Variants in ZC3H4 observed in about 807,000 individuals in gnomAD.
ZC3H4 encodes the protein zinc finger CCCH-type containing 4.
A neutral mutation model predicts 108.3 loss-of-function variants in ZC3H4; 13 were observed. That is an observed-to-expected ratio of 0.12 (90% CI 0.08 to 0.19). The LOEUF is 0.19. Ranked by LOEUF, ZC3H4 falls within the 10% of genes least tolerant of loss-of-function variation. The pLI is 1.00. For missense variants in ZC3H4, 1,734 were observed against 1,838.8 expected, an observed-to-expected ratio of 0.94 and a Z score of 1.04; for synonymous variants, 917 against 749.6, an observed-to-expected ratio of 1.22 and a Z score of -3.65.
At chr19:47,071,718 A>G (rs1023552604) in intron 13 of ZC3H4, 60 bp downstream of exon 13, 16 of 1,511,078 alleles carry the variant, frequency 1.1e-5, no homozygotes, top group Admixed American at 2.2e-5. Flanking sequence ...CATCTCCCCA[A>G]CTCTGCTCCA....
intron 2 of ZC3H4, chr19:47,112,121 CG>C (rs1324833686): frequency 7.5e-6 from 8 of 1,068,704 alleles, no homozygotes; most frequent in South Asian, 4.5e-5. Context: ...CGGACGGGCG[CG>C]GGGGGTCCGA....
chr19:47,090,285 G>C (rs1445338146), intron 4 of ZC3H4, 96 bp from the exon 5 acceptor site: 4 of 1,335,912 alleles, frequency 3.0e-6, no homozygotes, highest in Non-Finnish European at 4.2e-6. Context: ...GAACATGTCT[G>C]TCTGGGTGTC....
chr19:47,070,353 C>G (rs1422319261), intron 13 of ZC3H4, among the ~76,000 whole-genome samples: 17 of 152,168 alleles, frequency 1.1e-4, no homozygotes, highest in Admixed American at 1.1e-3. Context: ...CACATCCCAG[C>G]GCAGAGCTGG....
Position 47,067,923 on chromosome 19 carries a change from C to T in ZC3H4, c.2399-54G>A. On this transcript the variant is annotated intron_variant, in intron 14 of 14. Transcript: ENST00000253048. This position sits in a 1 kb window ranked among gnomAD's most constrained non-coding sequence, Gnocchi z 6.4. ...GTGAGTGGGCGCATCCACCACCCGC[C>T]CTCTTGGATCCCACAGCAGCCCACC... is the stretch of plus-strand genomic sequence containing the variant. 1.3e-6 allele frequency: 2 copies of T among 1,504,342 alleles called. No homozygotes were observed. Among genetic ancestry groups the T allele is most frequent in the Non-Finnish European group, 1.8e-6 (2 of 1,117,932 alleles). 93.2% of individuals were successfully genotyped at this position (1,504,342 alleles called of 1,614,324 possible). A position where few individuals can be genotyped will look rare whatever the true frequency, so the allele number is the denominator to read the frequency against.
At chr19:47,097,280 A>C (rs1192050291) in intron 2 of ZC3H4, among the ~76,000 whole-genome samples, 1 of 152,198 alleles carries the variant, frequency 6.6e-6, no homozygotes, top group Non-Finnish European at 1.5e-5. Context: ...TGTTTCCCTA[A>C]AGTTGAGAGA....
chr19:47,111,105 G>A (rs987777541), intron 2 of ZC3H4: 5 of 160,368 alleles, frequency 3.1e-5, no homozygotes, highest in African/African-American at 4.8e-5. Flanking sequence ...GTAGCCATCT[G>A]TCCAGAGCGT....
chr19:47,107,449 C>T (rs1413227555), intron 2 of ZC3H4, among the ~76,000 whole-genome samples: 1 of 152,076 alleles, frequency 6.6e-6, no homozygotes, highest in Non-Finnish European at 1.5e-5. Context: ...TTATCTGGCT[C>T]CAAAGTCCAC....
In ZC3H4 at chr19:47,094,503, C is replaced by T. The variant is rs776125417; in HGVS notation, c.267G>A (p.Lys89=). ...PERSRKEKGE[K]HHSDSDEEKS... Reference sequence around the variant, plus strand: ...TCTCCTCATCCGAATCACTGTGATGCTTCTCCCCCTTTTCTTTCCGGCTTC... The same window carrying T: ...TCTCCTCATCCGAATCACTGTGATGTTTCTCCCCCTTTTCTTTCCGGCTTC... Residue 89 remains lysine (K), a synonymous_variant, in exon 3 of 15, where the codon AAG becomes AAA. Transcript: ENST00000253048. 7 of 1,614,116 alleles carry T rather than the reference C, an allele frequency of 4.3e-6. No homozygotes were observed. The South Asian group carries it at 5.5e-5, about 13-fold the overall frequency.
At chr19:47,074,726 G>A (rs1331766353) in intron 11 of ZC3H4, among the ~76,000 whole-genome samples, 1 of 152,228 alleles carries the variant, frequency 6.6e-6, no homozygotes, top group East Asian at 1.9e-4. Flanking sequence ...GCAGCCTAGT[G>A]AAAACCCTGG....
At chr19:47,075,809 G>C (rs1309209625) in intron 11 of ZC3H4, among the ~76,000 whole-genome samples, 1 of 152,058 alleles carries the variant, frequency 6.6e-6, no homozygotes, top group African/African-American at 2.4e-5. Context: ...GAGGAGAAAG[G>C]AGCTCAGGCC....
At chr19:47,100,401 G>A (rs1043592201) in intron 2 of ZC3H4, among the ~76,000 whole-genome samples, 2 of 152,034 alleles carry the variant, frequency 1.3e-5, no homozygotes, top group Admixed American at 1.3e-4. Flanking sequence ...TGTCATCATA[G>A]CCTGCTCTGT....
rs370303705 is a variant in ZC3H4, at chr19:47,084,336, G to A, written c.1218+9C>T. On this transcript the variant is annotated intron_variant, in intron 9 of 14. Coordinates refer to ENST00000253048, the MANE Select transcript of ZC3H4 (RefSeq NM_015168.2). ...CTCCTAGAGGTGCCCAGCTTTCAGC[G>A]CTCCTTACCCAGGTGCAGCGCCCTT... 93 of 1,613,848 alleles carry A rather than the reference G, an allele frequency of 5.8e-5. No individual in the cohort carries two copies. In the African/African-American group the frequency reaches 9.1e-4, roughly 16 times the overall value.
intron 5 of ZC3H4, among the ~76,000 whole-genome samples, chr19:47,089,756 C>T (rs1320508680): frequency 6.6e-6 from 1 of 152,204 alleles, no homozygotes; most frequent in African/African-American, 2.4e-5. Flanking sequence ...GGCCTTCTCC[C>T]TGCCTCACAC....
intron 2 of ZC3H4, among the ~76,000 whole-genome samples, chr19:47,099,437 C>A (rs1457438158): frequency 1.4e-5 from 2 of 147,950 alleles, no homozygotes; most frequent in African/African-American, 5.0e-5. Flanking sequence ...CCAGCCTGGG[C>A]AACAAGAGTG....
intron 11 of ZC3H4, among the ~76,000 whole-genome samples, chr19:47,079,523 C>A (rs2057483257): frequency 6.6e-6 from 1 of 151,922 alleles, no homozygotes; most frequent in Non-Finnish European, 1.5e-5. Context: ...ATCAGTGAGT[C>A]CTCCCAAGGA....
chr19:47,080,756 C>T (rs763366993), intron 11 of ZC3H4, among the ~76,000 whole-genome samples: 3 of 151,818 alleles, frequency 2.0e-5, no homozygotes, highest in Non-Finnish European at 4.4e-5. Context: ...CCTCTGCCTC[C>T]TAAGTAGCTG....
chr19:47,092,847 T>TAAATAAACAAAC (rs1555783599), intron 4 of ZC3H4, among the ~76,000 whole-genome samples: 1 of 150,048 alleles, frequency 6.7e-6, no homozygotes, highest in Non-Finnish European at 1.5e-5. Flanking sequence ...AATAAATAAA[T>TAAATAAACAAAC]AAACAAACAA....
At position 47,071,988 on chromosome 19, in the gene ZC3H4, C is replaced by T. The variant is rs381976; in HGVS notation, c.1936G>A (p.Ala646Thr). 16 of 1,579,164 alleles carry T rather than the reference C, an allele frequency of 1.0e-5. No homozygotes were observed. The highest frequency in any genetic ancestry group is 2.2e-5 in the East Asian group (1 of 44,462). ...ATCGGCATGTCTGCGTGCATGTCTG[C>T]GTGCATGTCAGGGTGCATGTCCGGG... Reference protein sequence around the residue: ...MHPDMHPDMHADMHADMPMGP... With the variant: ...MHPDMHPDMHTDMHADMPMGP... The change falls in exon 13 of 15, where the codon GCA (alanine) becomes ACA (threonine). Residue 646 changes from alanine (A) to threonine (T), a missense_variant. Coordinates refer to ENST00000253048, the MANE Select transcript of ZC3H4 (RefSeq NM_015168.2).
At chr19:47,096,110 T>A (rs1346805194) in intron 2 of ZC3H4, among the ~76,000 whole-genome samples, 1 of 152,160 alleles carries the variant, frequency 6.6e-6, no homozygotes, top group Non-Finnish European at 1.5e-5. Flanking sequence ...AAGGAGCGCC[T>A]CAAGAGCAGC....
Sources: gnomAD v4.1 joint callset for allele counts (sites outside exome capture counted in the v4.1 genomes callset) on GRCh38, gnomAD v4.1.1 for gene constraint, Gnocchi (gnomAD v3.1) non-coding constraint, MANE v1.5 for transcripts, NCBI Gene and HGNC (gene_info 2026-07-23, HGNC 2026-07-21) for gene names.